IFT81: variants seen among roughly 807,000 people sequenced by gnomAD.
The protein encoded by IFT81 is intraflagellar transport protein 81 homolog.
A neutral mutation model predicts 102.6 loss-of-function variants in IFT81; 72 were observed. That is an observed-to-expected ratio of 0.70 (90% confidence interval 0.58 to 0.85). The LOEUF (loss-of-function observed/expected upper bound fraction) is 0.85, where lower values mean the gene tolerates loss of function less well. Among genes scored for constraint, IFT81 ranks in the 40% least tolerant of loss-of-function variants. The pLI, the probability that IFT81 is intolerant of heterozygous loss-of-function variation, is 0.00. For synonymous variants in IFT81, 237 were observed against 242.7 expected (o/e 0.98, Z 0.22); for missense variants, 723 against 787.3 (o/e 0.92, Z 0.98).
At chr12:110,146,344 TCCCTGTCAA>T (rs1311423197) in intron 9 of IFT81, among the ~76,000 whole-genome samples, 1 of 152,246 alleles carries the variant, frequency 6.6e-6, no homozygotes, top group Admixed American at 6.5e-5. Context: ...AAGGGTGTTA[TCCCTGTCAA>T]CTGTCAGCTG....
At chr12:110,196,133 C>G (rs1897990348) in intron 14 of IFT81, among the ~76,000 whole-genome samples, 1 of 152,040 alleles carries the variant, frequency 6.6e-6, no homozygotes, top group African/African-American at 2.4e-5. Context: ...AATGGTTGCC[C>G]AACATTATGA....
rs909462673 is a variant in IFT81 at position 110,127,639 on chromosome 12, T to C, written c.144+115T>C. On this transcript the variant is annotated intron_variant, in intron 2 of 18. Transcript: ENST00000242591. ...CTCTGAGCTTTATTTTCCATGTCTG[T>C]AAAGTAATAGTAAATAATGCATAAC... 74 of 931,302 alleles carry C rather than the reference T, an allele frequency of 7.9e-5. No homozygotes were observed. In the African/African-American group the frequency reaches 1.2e-3, roughly 15 times the overall value. The allele number at this position is 931,302 out of a possible 1,614,324, so 57.7% of individuals were successfully genotyped here. A position where few individuals can be genotyped will look rare whatever the true frequency, so the allele number is the denominator to read the frequency against.
Position 110,163,010 on chromosome 12 carries a change from T to C in IFT81, c.1133T>C (p.Val378Ala). 1 of 1,613,940 alleles carries C rather than the reference T, an allele frequency of 6.2e-7. No homozygotes were observed. The highest frequency in any genetic ancestry group is 1.7e-5 in the Admixed American group (1 of 59,998). Residue 378 changes from valine (V) to alanine (A), a missense_variant, in exon 11 of 19, where the codon GTA (valine) becomes GCA (alanine). Val to Ala is a moderately conservative substitution (Grantham distance 64). Coordinates refer to ENST00000242591, the MANE Select transcript of IFT81 (RefSeq NM_014055.4). ...KLASLEREAS[V>A]KRNQTREFDG... ...GCCAGCCTAGAGAGAGAAGCATCAG[T>C]AAAGAGAAATCAGACCCGTGAATTT...
rs1412337254 is a variant in IFT81, at chr12:110,192,605, T to G, written c.1468-12T>G. On this transcript the variant is annotated splice_polypyrimidine_tract_variant and intron_variant, in intron 13 of 18. Transcript: ENST00000242591. Reference sequence around the variant, plus strand: ...TCTTTTTTAGGTGTTATATTTTTTGTTCAAATAACAGGTGAAAAAACTGTA... The same window carrying G: ...TCTTTTTTAGGTGTTATATTTTTTGGTCAAATAACAGGTGAAAAAACTGTA... The G allele has an allele frequency of 7.0e-7, 1 of 1,419,464 alleles. No individual in the cohort carries two copies. The highest frequency in any genetic ancestry group is 9.6e-7 in the Non-Finnish European group (1 of 1,042,588). 87.9% of individuals were successfully genotyped at this position (1,419,464 alleles called of 1,614,324 possible). A position where few individuals can be genotyped will look rare whatever the true frequency, so the allele number is the denominator to read the frequency against.
chr12:110,175,226 TA>T (rs1272882573), intron 11 of IFT81, among the ~76,000 whole-genome samples: 1 of 152,262 alleles, frequency 6.6e-6, no homozygotes, highest in Non-Finnish European at 1.5e-5. Flanking sequence ...CCTATGCCTT[TA>T]AAAATTATTT....
chr12:110,180,339 G>A, intron 11 of IFT81, 83 bp from the exon 12 acceptor site: 1 of 724,768 alleles, frequency 1.4e-6, no homozygotes, highest in Non-Finnish European at 2.0e-6. Flanking sequence ...GAAAAAATGT[G>A]AATATATTGA....
At chr12:110,158,214 G>A (rs1246258445) in intron 10 of IFT81, among the ~76,000 whole-genome samples, 1 of 151,864 alleles carries the variant, frequency 6.6e-6, no homozygotes, top group Non-Finnish European at 1.5e-5. Context: ...GGGATTATAG[G>A]CTAATACAAA....
chr12:110,197,957 C>T (rs1898089520), intron 14 of IFT81, among the ~76,000 whole-genome samples: 1 of 152,176 alleles, frequency 6.6e-6, no homozygotes, highest in Non-Finnish European at 1.5e-5. Context: ...GGTGATCCGC[C>T]CGCCTCAGCC....
chr12:110,133,949 C>T (rs376945344), intron 5 of IFT81, among the ~76,000 whole-genome samples: 67 of 152,132 alleles, frequency 4.4e-4, no homozygotes, highest in African/African-American at 1.4e-3. Context: ...ATGTTTTATT[C>T]GGACAAATCA....
At chr12:110,174,420 A>C (rs1284540106) in intron 11 of IFT81, among the ~76,000 whole-genome samples, 1 of 148,966 alleles carries the variant, frequency 6.7e-6, no homozygotes, top group Non-Finnish European at 1.5e-5. Context: ...GCACCATTGC[A>C]TTCCAGCCTG....
intron 17 of IFT81, among the ~76,000 whole-genome samples, chr12:110,206,566 T>G (rs1416541334): frequency 6.6e-6 from 1 of 151,936 alleles, no homozygotes; most frequent in Non-Finnish European, 1.5e-5. Context: ...TCCCAGCTAC[T>G]TAGGAGGCCG....
At chr12:110,162,367 TTCTC>T (rs1896186521) in intron 10 of IFT81, 1 of 149,858 alleles carries the variant, frequency 6.7e-6, no homozygotes. Context: ...GACAGAGTCT[TTCTC>T]TGTCACCCAG....
chr12:110,209,975 T>C (rs1414492437), intron 18 of IFT81, among the ~76,000 whole-genome samples: 2 of 152,070 alleles, frequency 1.3e-5, no homozygotes, highest in Non-Finnish European at 2.9e-5. Context: ...GCAACTGAAA[T>C]AGGACTGTAT....
chr12:110,189,223 C>G (rs984785747), intron 12 of IFT81, among the ~76,000 whole-genome samples: 1 of 152,076 alleles, frequency 6.6e-6, no homozygotes, highest in Admixed American at 6.5e-5. Context: ...TCTTCACTTC[C>G]TTGGTGATCT....
At chr12:110,204,016 G>C in intron 15 of IFT81, 66 bp downstream of exon 15, 3 of 1,000,888 alleles carry the variant, frequency 3.0e-6, no homozygotes, top group Non-Finnish European at 4.6e-6. Context: ...TGTAGTCCCA[G>C]CTACTCTGGA....
intron 11 of IFT81, chr12:110,168,730 T>G (rs184735214): frequency 6.6e-6 from 1 of 152,318 alleles, no homozygotes; most frequent in East Asian, 1.9e-4. Context: ...GAATTGATTA[T>G]GTATTAACTG....
chr12:110,141,278 T>C (rs1261491135), intron 8 of IFT81, among the ~76,000 whole-genome samples: 3 of 152,040 alleles, frequency 2.0e-5, no homozygotes, highest in African/African-American at 7.2e-5. Flanking sequence ...CCTCAGGTGA[T>C]TCGCCTGCCT....
At chr12:110,142,939 TA>T (rs1419228061) in intron 8 of IFT81, among the ~76,000 whole-genome samples, 1 of 151,902 alleles carries the variant, frequency 6.6e-6, no homozygotes, top group Admixed American at 6.6e-5. Context: ...TATATAGCAT[TA>T]AAAGTATTCC....
chr12:110,198,754 T>C (rs1898128175), intron 14 of IFT81, among the ~76,000 whole-genome samples: 1 of 152,122 alleles, frequency 6.6e-6, no homozygotes, highest in East Asian at 1.9e-4. Context: ...ACTTAATTTT[T>C]AATTTCAATG....
Sources: gnomAD v4.1 joint callset for allele counts (sites outside exome capture counted in the v4.1 genomes callset) on GRCh38, gnomAD v4.1.1 for gene constraint, MANE v1.5 for transcripts, NCBI Gene and HGNC (gene_info 2026-07-23, HGNC 2026-07-21) for gene names.